Variants in NELFA observed in about 807,000 individuals in gnomAD.
NELFA encodes the protein negative elongation factor complex member A.
NELFA carries 35 observed loss-of-function variants against 51.8 expected under a neutral mutation model. The ratio of observed to expected loss-of-function variants is 0.68; its 90% CI spans 0.52 to 0.90. The LOEUF is 0.90. Among genes scored for constraint, NELFA ranks in the 40% least tolerant of loss-of-function variants. The pLI is 0.00. For synonymous variants in NELFA, 417 were observed against 338.4 expected (o/e 1.23, Z -2.55); for missense variants, 658 against 746.4 (o/e 0.88, Z 1.38).
At chr4:1,986,501 A>AG in intron 4 of NELFA, 99 bp from the exon 5 acceptor site, 1 of 1,567,088 alleles carries the variant, frequency 6.4e-7, no homozygotes, top group Non-Finnish European at 8.7e-7. Context: ...CTAGCGCCGC[A>AG]GAGGGGAAGG....
intron 1 of NELFA, among the ~76,000 whole-genome samples, chr4:2,001,422 T>G (rs944954447): frequency 6.6e-6 from 1 of 151,502 alleles, no homozygotes; most frequent in Non-Finnish European, 1.5e-5. Flanking sequence ...CAAAAACTTG[T>G]TGAACTGATA....
At position 1,998,695 on chromosome 4, in the gene NELFA, C is replaced by T. The variant is rs531110229; in HGVS notation, c.211-6980G>A. Among the ~76,000 whole-genome samples, 8 of 152,160 alleles carry T rather than the reference C, an allele frequency of 5.3e-5. 1 individual carries two copies. The highest frequency in any genetic ancestry group is 3.9e-4 in the East Asian group (2 of 5,180). On this transcript the variant is annotated intron_variant, in intron 1 of 10. Coordinates refer to ENST00000382882, the MANE Select transcript of NELFA (RefSeq NM_005663.5). ...TACTGACTGGAGTACCAGAAGGAGA[C>T]GGGGAGAATGGAAACAAGCTGGAAA...
chr4:1,991,527 A>C lies in NELFA; in HGVS notation c.382+17T>G, dbSNP rs1311097197. ...CATTTCCCTCCACCCAACATGAATT[A>C]AAGCAGCACAACATACCCTTTTCTC... On this transcript the variant is annotated intron_variant, in intron 2 of 10. Transcript: ENST00000382882. The C allele has an allele frequency of 1.9e-6, 3 of 1,612,072 alleles. No individual in the cohort carries two copies. Among genetic ancestry groups the C allele is most frequent in the Non-Finnish European group, 2.5e-6 (3 of 1,179,450 alleles).
chr4:1,996,893 T>C (rs542999886), intron 1 of NELFA, among the ~76,000 whole-genome samples: 40 of 152,184 alleles, frequency 2.6e-4, no homozygotes, highest in Non-Finnish European at 5.3e-4. Context: ...GATTGCACCA[T>C]TGCACTCCAG....
rs1727935955 is a variant in NELFA, at chr4:1,982,991, A to T, written c.*328T>A. 5.1e-6 allele frequency: 1 copy of T among 195,028 alleles called. No homozygotes were observed. The highest frequency in any genetic ancestry group is 1.0e-5 in the Non-Finnish European group (1 of 98,202). The allele number at this position is 195,028 out of a possible 1,614,324, so 12.1% of individuals were successfully genotyped here. A position where few individuals can be genotyped will look rare whatever the true frequency, so the allele number is the denominator to read the frequency against. Reference sequence around the variant, plus strand: ...AGCGAGGGAAAATAGAAAAGATTTTAAAAAGTAAGAGTCTAACAGGCAGAG... The same window carrying T: ...AGCGAGGGAAAATAGAAAAGATTTTTAAAAGTAAGAGTCTAACAGGCAGAG... On this transcript the variant is annotated 3_prime_UTR_variant, in exon 11 of 11. Transcript: ENST00000382882.
Position 1,989,005 on chromosome 4 carries a change from G to A in NELFA, c.544+703C>T, listed in dbSNP as rs912085398. On this transcript the variant is annotated intron_variant, in intron 3 of 10. Coordinates refer to ENST00000382882, the MANE Select transcript of NELFA (RefSeq NM_005663.5). This position sits in a 1 kb window ranked among gnomAD's most constrained non-coding sequence, Gnocchi z 4.8. ...TTGTTGCCCAGGCTGGAGTGCAGTG[G>A]GGCAATCTTGGCTCACTGCAACCTC... Among the ~76,000 whole-genome samples the A allele has an allele frequency of 9.9e-5, 15 of 151,420 alleles. No individual in the cohort carries two copies. The highest frequency in any genetic ancestry group is 7.4e-5 in the Non-Finnish European group (5 of 67,900).
chr4:1,998,427 CTAGAA>C (rs1232408149), intron 1 of NELFA, among the ~76,000 whole-genome samples: 1 of 151,982 alleles, frequency 6.6e-6, no homozygotes, highest in Non-Finnish European at 1.5e-5. Flanking sequence ...GAATTGCTAA[CTAGAA>C]TAACCGGTTT....
At chr4:1,990,933 T>C (rs1325572766) in intron 2 of NELFA, among the ~76,000 whole-genome samples, 1 of 152,192 alleles carries the variant, frequency 6.6e-6, no homozygotes, top group African/African-American at 2.4e-5. Context: ...CCCAAGTACC[T>C]GGGAGGACAG....
chr4:1,993,587 A>AAAAG (rs545034701), intron 1 of NELFA, among the ~76,000 whole-genome samples: 1 of 151,718 alleles, frequency 6.6e-6, no homozygotes, highest in Non-Finnish European at 1.5e-5. Flanking sequence ...TCAAAAAAAA[A>AAAAG]AAAGAAAGAA....
At chr4:1,990,085 C>T (rs1426200615) in intron 2 of NELFA, 23 of 588,254 alleles carry the variant, frequency 3.9e-5, no homozygotes, top group Non-Finnish European at 6.6e-5. Flanking sequence ...GCGGGCATGC[C>T]TTGAGAGGGC....
intron 1 of NELFA, among the ~76,000 whole-genome samples, chr4:2,002,698 G>A (rs891266483): frequency 1.3e-5 from 2 of 152,138 alleles, no homozygotes; most frequent in African/African-American, 4.8e-5. Context: ...AACTGAAACT[G>A]GACCTCTTCC....
intron 3 of NELFA, among the ~76,000 whole-genome samples, chr4:1,988,416 C>T (rs889592031): frequency 3.3e-5 from 5 of 152,270 alleles, no homozygotes; most frequent in Admixed American, 1.3e-4. Flanking sequence ...ATATTCCTGA[C>T]TTGGTTCAGT....
intron 1 of NELFA, among the ~76,000 whole-genome samples, chr4:1,996,380 G>C (rs1308284193): frequency 6.6e-6 from 1 of 152,236 alleles, no homozygotes; most frequent in East Asian, 1.9e-4. Flanking sequence ...ACTGTAATTA[G>C]AAGAGAATTT....
chr4:2,005,666 T>C (rs1577632228), intron 1 of NELFA, among the ~76,000 whole-genome samples: 1 of 152,264 alleles, frequency 6.6e-6, no homozygotes, highest in Non-Finnish European at 1.5e-5. Context: ...CTCTCCAGCC[T>C]GGGTGAGAGA....
At chr4:1,994,589 C>T (rs1450996887) in intron 1 of NELFA, among the ~76,000 whole-genome samples, 6 of 149,508 alleles carry the variant, frequency 4.0e-5, no homozygotes, top group Admixed American at 4.0e-4. Context: ...GGCATGGTGG[C>T]TCACACCTGT....
intron 1 of NELFA, among the ~76,000 whole-genome samples, chr4:2,000,700 C>G (rs1457619089): frequency 1.3e-5 from 2 of 152,198 alleles, no homozygotes; most frequent in Non-Finnish European, 2.9e-5. Context: ...GGACTCACAG[C>G]TGAATTCCAC....
chr4:1,995,823 G>T (rs1196818652), intron 1 of NELFA, among the ~76,000 whole-genome samples: 1 of 149,786 alleles, frequency 6.7e-6, no homozygotes, highest in Admixed American at 6.6e-5. Flanking sequence ...TGAGAAGGAG[G>T]AACAGACAAA....
chr4:1,993,061 C>T (rs1371977551), intron 1 of NELFA, among the ~76,000 whole-genome samples: 1 of 152,234 alleles, frequency 6.6e-6, no homozygotes, highest in African/African-American at 2.4e-5. Flanking sequence ...CTCTGGCAGC[C>T]GCACAGCCCG....
At chr4:2,000,232 G>C (rs1458809384) in intron 1 of NELFA, among the ~76,000 whole-genome samples, 1 of 151,880 alleles carries the variant, frequency 6.6e-6, no homozygotes, top group Non-Finnish European at 1.5e-5. Flanking sequence ...GACCCAGAGA[G>C]GCAAGAGAGC....
Sources: gnomAD v4.1 joint callset for allele counts (sites outside exome capture counted in the v4.1 genomes callset) on GRCh38, gnomAD v4.1.1 for gene constraint, Gnocchi (gnomAD v3.1) non-coding constraint, MANE v1.5 for transcripts, NCBI Gene and HGNC (gene_info 2026-07-23, HGNC 2026-07-21) for gene names.